Variants in ZC3H6 observed in about 807,000 individuals in gnomAD.
The protein encoded by ZC3H6 is zinc finger CCCH domain-containing protein 6.
Under a neutral mutation model 107.7 loss-of-function variants are expected in ZC3H6, and 40 were observed. That is an observed-to-expected ratio of 0.37 (90% confidence interval 0.29 to 0.48). The LOEUF (loss-of-function observed/expected upper bound fraction) is 0.48, where lower values mean the gene tolerates loss of function less well. ZC3H6 is among the 20% of genes least tolerant of loss of function. ZC3H6 has a pLI of 0.98. For synonymous variants in ZC3H6, 493 were observed against 487.9 expected, an observed-to-expected ratio of 1.01 and a Z score of -0.14; for missense variants, 1,267 against 1,410.4, an observed-to-expected ratio of 0.90 and a Z score of 1.63.
chr2:112,307,700 A>C (rs1676502480), intron 3 of ZC3H6, among the ~76,000 whole-genome samples: 1 of 152,164 alleles, frequency 6.6e-6, no homozygotes, highest in Admixed American at 6.5e-5. Context: ...GAAGGACCTT[A>C]GCAGTCCACA....
At chr2:112,278,162 TG>T (rs1686461109) in intron 1 of ZC3H6, among the ~76,000 whole-genome samples, 1 of 152,126 alleles carries the variant, frequency 6.6e-6, no homozygotes, top group African/African-American at 2.4e-5. Context: ...TTAAGAAATT[TG>T]GGGAAAAAAT....
chr2:112,315,568 A>G (rs544028906), intron 5 of ZC3H6, among the ~76,000 whole-genome samples: 1 of 152,012 alleles, frequency 6.6e-6, no homozygotes, highest in East Asian at 1.9e-4. Context: ...TTTACTTCAT[A>G]AAATATTGTA....
At position 112,275,929 on chromosome 2, in the gene ZC3H6, C is replaced by G; in HGVS notation, c.-66C>G. 1.4e-6 allele frequency: 2 copies of G among 1,454,446 alleles called. No individual in the cohort carries two copies. The highest frequency in any genetic ancestry group is 9.2e-7 in the Non-Finnish European group (1 of 1,086,570). 90.1% of individuals were successfully genotyped at this position (1,454,446 alleles called of 1,614,324 possible). A position where few individuals can be genotyped will look rare whatever the true frequency, so the allele number is the denominator to read the frequency against. On this transcript the variant is annotated 5_prime_UTR_variant, in exon 1 of 12. Transcript: ENST00000409871. ...TCCCGCAGGCGGCGCGGGGGGTCTT[C>G]CCCGCGCCCCGCCGCCGCCGGCCTC...
At chr2:112,295,795 C>T (rs532258835) in intron 1 of ZC3H6, among the ~76,000 whole-genome samples, 2 of 152,090 alleles carry the variant, frequency 1.3e-5, no homozygotes, top group African/African-American at 2.4e-5. Context: ...TTTTATATCT[C>T]GTAACAAATA....
chr2:112,278,236 A>G (rs969886434), intron 1 of ZC3H6, among the ~76,000 whole-genome samples: 3 of 152,272 alleles, frequency 2.0e-5, no homozygotes, highest in Non-Finnish European at 4.4e-5. Context: ...TTATGCTGTT[A>G]TAAAAGTTTC....
chr2:112,321,844 A>G lies in ZC3H6; in HGVS notation c.1065A>G (p.Glu355=). 2 of 1,518,134 alleles carry G rather than the reference A, an allele frequency of 1.3e-6. No homozygotes were observed. Among genetic ancestry groups the G allele is most frequent in the Non-Finnish European group, 8.9e-7 (1 of 1,129,716 alleles). The allele number at this position is 1,518,134 out of a possible 1,614,324, so 94.0% of individuals were successfully genotyped here. ...TTTCCCATGATGATCTAACTAAAGA[A>G]ACAAAGAAACTTTTGGACAAAGTGA... The part of the protein sequence containing the change: ...CKFSHDDLTK[E]TKKLLDKVLN... Residue 355 remains glutamate, a synonymous_variant, in exon 8 of 12, where the codon GAA becomes GAG. Transcript: ENST00000409871.
At position 112,297,591 on chromosome 2, in the gene ZC3H6, C is replaced by G. The variant is rs570507639; in HGVS notation, c.33-2258C>G. 2.0e-5 allele frequency among the ~76,000 whole-genome samples: 3 copies of G among 152,208 alleles called. No individual in the cohort carries two copies. The South Asian group carries it at 6.2e-4, about 32-fold the overall frequency. The stretch of plus-strand genomic sequence containing the variant: ...ATACTATTAATGAATATTTTGGTTT[C>G]TATCTATAAAATGTCATAATCAATA... On this transcript the variant is annotated intron_variant, in intron 1 of 11. Transcript: ENST00000409871.
At position 112,339,692 on chromosome 2, in the gene ZC3H6, C is replaced by A. The variant is rs756017433; in HGVS notation, c.*7204C>A. The A allele has an allele frequency of 2.6e-5, 4 of 151,434 alleles. No homozygotes were observed. Among genetic ancestry groups the A allele is most frequent in the Admixed American group, 2.6e-4 (4 of 15,216 alleles). The allele number at this position is 151,434 out of a possible 1,614,324, so 9.4% of individuals were successfully genotyped here. A position where few individuals can be genotyped will look rare whatever the true frequency, so the allele number is the denominator to read the frequency against. On this transcript the variant is annotated 3_prime_UTR_variant, in exon 12 of 12. Transcript: ENST00000409871. ...GGCTGAAATCCAGGTTATACCTATT[C>A]ACTATGACTTTTTTTTTTTTTAACT...
chr2:112,324,819 A>C, intron 10 of ZC3H6, 145 bp from the exon 11 acceptor site: 1 of 1,141,548 alleles, frequency 8.8e-7, no homozygotes, highest in Non-Finnish European at 1.2e-6. Flanking sequence ...CTTTTGAAAC[A>C]ATAGAATTTT....
At chr2:112,329,410 T>C (rs939375616) in intron 11 of ZC3H6, among the ~76,000 whole-genome samples, 3 of 152,200 alleles carry the variant, frequency 2.0e-5, no homozygotes, top group Non-Finnish European at 4.4e-5. Flanking sequence ...TACAGAAATA[T>C]TTAAAGTAAT....
intron 10 of ZC3H6, 63 bp downstream of exon 10, chr2:112,324,726 A>C (rs1676875162): frequency 7.1e-7 from 1 of 1,406,988 alleles, no homozygotes; most frequent in South Asian, 1.5e-5. Context: ...TTTTCATTAA[A>C]AGCATGACAG....
intron 1 of ZC3H6, among the ~76,000 whole-genome samples, chr2:112,291,049 C>A (rs1256137299): frequency 9.8e-5 from 15 of 152,324 alleles, no homozygotes; most frequent in African/African-American, 3.1e-4. Context: ...CTCGGAAGCA[C>A]TGTTGTCTTA....
At position 112,331,148 on chromosome 2, in the gene ZC3H6, A is replaced by G; in HGVS notation, c.2230A>G (p.Arg744Gly). The change falls in exon 12 of 12, where the codon AGA becomes GGA. Residue 744 changes from arginine (R) to glycine (G), a missense_variant. Around this residue, in one of 3 missense-constraint regions of ZC3H6, gnomAD observed 925 missense variants for 1,025.7 expected, o/e 0.90. Transcript: ENST00000409871. ...AGAACTCAGCACTCCTACTGATCCA[A>G]GACTTGCTAAAGAGAAAAGTAAAGG... ...STELSTPTDP[R>G]LAKEKSKGNQ... is the part of the protein sequence containing the mutation. 6.2e-7 allele frequency: 1 copy of G among 1,613,752 alleles called. No homozygotes were observed. Among genetic ancestry groups the G allele is most frequent in the East Asian group, 2.2e-5 (1 of 44,874 alleles).
chr2:112,292,067 CATTTT>C (rs781437774), intron 1 of ZC3H6, among the ~76,000 whole-genome samples: 2 of 152,156 alleles, frequency 1.3e-5, no homozygotes, highest in Non-Finnish European at 2.9e-5. Context: ...CGAAATTCTC[CATTTT>C]ATTTTATTTT....
At chr2:112,303,375 GATAAAAC>G (rs1187710972) in intron 3 of ZC3H6, 24 bp downstream of exon 3, 2 of 1,585,678 alleles carry the variant, frequency 1.3e-6, no homozygotes, top group Non-Finnish European at 1.7e-6. Context: ...TTTGTTTTGT[GATAAAAC>G]ATAGATAGCA....
rs1344471862 is a variant in ZC3H6 at position 112,275,929 on chromosome 2, C to A, written c.-66C>A. Reference sequence around the variant, plus strand: ...TCCCGCAGGCGGCGCGGGGGGTCTTCCCCGCGCCCCGCCGCCGCCGGCCTC... The same window carrying A: ...TCCCGCAGGCGGCGCGGGGGGTCTTACCCGCGCCCCGCCGCCGCCGGCCTC... On this transcript the variant is annotated 5_prime_UTR_variant, in exon 1 of 12. Transcript: ENST00000409871. 6 of 1,454,446 alleles carry A rather than the reference C, an allele frequency of 4.1e-6. 1 individual carries two copies. The highest frequency in any genetic ancestry group is 5.3e-5 in the East Asian group (2 of 37,640). The allele number at this position is 1,454,446 out of a possible 1,614,324, so 90.1% of individuals were successfully genotyped here. A position where few individuals can be genotyped will look rare whatever the true frequency, so the allele number is the denominator to read the frequency against.
At position 112,275,905 on chromosome 2, in the gene ZC3H6, C is replaced by CA; in HGVS notation, c.-90_-89insA. 8.3e-7 allele frequency: 1 copy of CA among 1,210,082 alleles called. No individual in the cohort carries two copies. The highest frequency in any genetic ancestry group is 2.8e-5 in the East Asian group (1 of 36,020). The allele number at this position is 1,210,082 out of a possible 1,614,324, so 75.0% of individuals were successfully genotyped here. A position where few individuals can be genotyped will look rare whatever the true frequency, so the allele number is the denominator to read the frequency against. On this transcript the variant is annotated 5_prime_UTR_variant, in exon 1 of 12. Coordinates refer to ENST00000409871, the MANE Select transcript of ZC3H6 (RefSeq NM_198581.3). ...TGTCGGCGGCGGCCGGGAGCAGGTT[C>CA]CCGCAGGCGGCGCGGGGGGTCTTCC... is the stretch of plus-strand genomic sequence containing the variant.
intron 1 of ZC3H6, among the ~76,000 whole-genome samples, chr2:112,296,138 C>A (rs1248987221): frequency 6.6e-6 from 1 of 152,056 alleles, no homozygotes; most frequent in Non-Finnish European, 1.5e-5. Context: ...AGTAATCACA[C>A]AGATTAATAT....
At chr2:112,293,473 T>C (rs1163406189) in intron 1 of ZC3H6, among the ~76,000 whole-genome samples, 5 of 152,212 alleles carry the variant, frequency 3.3e-5, no homozygotes, top group African/African-American at 1.2e-4. Flanking sequence ...TTACCACTGA[T>C]AATTTTTCAA....
Sources: gnomAD v4.1 joint callset for allele counts (sites outside exome capture counted in the v4.1 genomes callset) on GRCh38, gnomAD v4.1.1 for gene constraint, gnomAD v4.1.1 regional missense constraint, MANE v1.5 for transcripts, NCBI Gene and HGNC (gene_info 2026-07-23, HGNC 2026-07-21) for gene names.